Variants in SPRED1 observed in about 807,000 individuals in gnomAD.
The protein encoded by SPRED1 is sprouty related EVH1 domain containing 1, also known as sprouty-related, EVH1 domain-containing protein 1.
Under a neutral mutation model 52.3 loss-of-function variants are expected in SPRED1, and 18 were observed. That is an observed-to-expected ratio of 0.34 (90% confidence interval 0.24 to 0.51). The LOEUF is 0.51. Ranked by LOEUF, SPRED1 falls within the 20% of genes least tolerant of loss-of-function variation. The pLI is 0.97. For missense variants in SPRED1, 485 were observed against 551.0 expected, an observed-to-expected ratio of 0.88 and a Z score of 1.20; for synonymous variants, 155 against 179.7, an observed-to-expected ratio of 0.86 and a Z score of 1.10.
At chr15:38,311,603 A>T (rs1895368677) in intron 2 of SPRED1, among the ~76,000 whole-genome samples, 1 of 152,206 alleles carries the variant, frequency 6.6e-6, no homozygotes, top group African/African-American at 2.4e-5. Context: ...TTTAATTGTT[A>T]TACGACTATT....
At chr15:38,269,395 G>A (rs1307414140) in intron 1 of SPRED1, among the ~76,000 whole-genome samples, 1 of 151,982 alleles carries the variant, frequency 6.6e-6, no homozygotes, top group Non-Finnish European at 1.5e-5. Flanking sequence ...GGTGCCTGCC[G>A]CCATGCCCAG....
At chr15:38,345,958 C>T (rs186252149) in intron 5 of SPRED1, among the ~76,000 whole-genome samples, 22 of 152,268 alleles carry the variant, frequency 1.4e-4, no homozygotes, top group African/African-American at 4.1e-4. Flanking sequence ...TTGTCAACTA[C>T]GCTAGTTTAT....
intron 1 of SPRED1, among the ~76,000 whole-genome samples, chr15:38,280,688 T>G (rs1386229749): frequency 6.6e-6 from 1 of 152,196 alleles, no homozygotes; most frequent in Admixed American, 6.5e-5. Flanking sequence ...ATCAGCAAAC[T>G]GTTTTCTTTG....
chr15:38,327,424 G>A (rs1895727765), intron 4 of SPRED1, among the ~76,000 whole-genome samples: 1 of 152,124 alleles, frequency 6.6e-6, no homozygotes, highest in East Asian at 1.9e-4. Flanking sequence ...CACGGAATGT[G>A]TTGAAAATGA....
At chr15:38,271,531 AT>A (rs1297892132) in intron 1 of SPRED1, among the ~76,000 whole-genome samples, 43 of 152,218 alleles carry the variant, frequency 2.8e-4, no homozygotes, top group Non-Finnish European at 2.1e-4. Flanking sequence ...AGAAACTAAC[AT>A]TTTTGAAGCT....
intron 4 of SPRED1, among the ~76,000 whole-genome samples, chr15:38,329,314 G>A (rs1486319399): frequency 6.6e-6 from 1 of 152,122 alleles, no homozygotes; most frequent in Non-Finnish European, 1.5e-5. Flanking sequence ...TTCTTTAGAA[G>A]TAAGTAATGT....
At chr15:38,278,649 G>A (rs1024389688) in intron 1 of SPRED1, among the ~76,000 whole-genome samples, 11 of 151,790 alleles carry the variant, frequency 7.2e-5, no homozygotes, top group Admixed American at 6.6e-4. Context: ...TATAGTATTT[G>A]CGTATAATCT....
intron 1 of SPRED1, among the ~76,000 whole-genome samples, chr15:38,258,338 A>G (rs1257793533): frequency 6.6e-6 from 1 of 152,174 alleles, no homozygotes; most frequent in Non-Finnish European, 1.5e-5. Flanking sequence ...CTTAATGTGA[A>G]TATTTTCTTA....
At chr15:38,276,232 G>A (rs1191945901) in intron 1 of SPRED1, among the ~76,000 whole-genome samples, 1 of 135,186 alleles carries the variant, frequency 7.4e-6, no homozygotes, top group Non-Finnish European at 1.6e-5. Flanking sequence ...TTTTTTTACT[G>A]TGGCTCTTTT....
intron 5 of SPRED1, among the ~76,000 whole-genome samples, chr15:38,343,603 AC>A (rs1415388577): frequency 6.6e-6 from 1 of 152,120 alleles, no homozygotes; most frequent in African/African-American, 2.4e-5. Context: ...TAGAGAGAGA[AC>A]AAAAAAACTT....
At chr15:38,262,816 G>A (rs980478519) in intron 1 of SPRED1, among the ~76,000 whole-genome samples, 2 of 152,168 alleles carry the variant, frequency 1.3e-5, no homozygotes, top group Admixed American at 6.5e-5. Context: ...ATGAAACACC[G>A]AAGAGTTGAA....
At chr15:38,344,457 G>A (rs1200299293) in intron 5 of SPRED1, among the ~76,000 whole-genome samples, 5 of 152,152 alleles carry the variant, frequency 3.3e-5, no homozygotes, top group Non-Finnish European at 7.4e-5. Flanking sequence ...GTTATGATGG[G>A]GTGGTTGAAG....
intron 5 of SPRED1, among the ~76,000 whole-genome samples, chr15:38,347,914 T>C (rs1262467815): frequency 6.6e-6 from 1 of 152,070 alleles, no homozygotes; most frequent in African/African-American, 2.4e-5. Flanking sequence ...CTGTTTTTAG[T>C]AAGTGTGAAA....
At chr15:38,260,604 G>A (rs974187996) in intron 1 of SPRED1, among the ~76,000 whole-genome samples, 1 of 152,000 alleles carries the variant, frequency 6.6e-6, no homozygotes, top group Non-Finnish European at 1.5e-5. Context: ...AGTTATTAAA[G>A]CTATTGCTAG....
chr15:38,299,873 T>A (rs1895119518), intron 2 of SPRED1, among the ~76,000 whole-genome samples: 1 of 152,154 alleles, frequency 6.6e-6, no homozygotes, highest in South Asian at 2.1e-4. Flanking sequence ...GGCAAACTAA[T>A]CCACAGGCCA....
At chr15:38,345,585 G>A (rs1896116667) in intron 5 of SPRED1, among the ~76,000 whole-genome samples, 1 of 152,172 alleles carries the variant, frequency 6.6e-6, no homozygotes, top group Non-Finnish European at 1.5e-5. Context: ...ATTATTCACA[G>A]TACAATAGTA....
chr15:38,275,664 AT>A (rs1270842707), intron 1 of SPRED1, among the ~76,000 whole-genome samples: 1 of 152,004 alleles, frequency 6.6e-6, no homozygotes, highest in African/African-American at 2.4e-5. Flanking sequence ...TGCCCAGCTA[AT>A]TTTTGTATTT....
rs2141016567 is a variant in SPRED1, at chr15:38,351,487, T to C, written c.1158T>C (p.Asp386=). ...ATTGTATGTCAGACTCAGAGGGAGA[T>C]TTTTCTGATCCCTGTTCGTGTGACA... ...LYHCMSDSEG[D]FSDPCSCDTS... The change falls in exon 7 of 7, where the codon GAT becomes GAC. Residue 386 remains aspartate (D), a synonymous_variant. Transcript: ENST00000299084. 1 of 1,613,906 alleles carries C rather than the reference T, an allele frequency of 6.2e-7. No homozygotes were observed.
At chr15:38,269,604 T>A (rs1216379379) in intron 1 of SPRED1, among the ~76,000 whole-genome samples, 1 of 152,148 alleles carries the variant, frequency 6.6e-6, no homozygotes, top group Non-Finnish European at 1.5e-5. Context: ...GTTTGTTACT[T>A]TACTGAAAGA....
Sources: allele counts gnomAD v4.1 joint callset (sites outside exome capture counted in the v4.1 genomes callset), GRCh38; gene constraint gnomAD v4.1.1; transcripts MANE v1.5; gene names NCBI Gene and HGNC (gene_info 2026-07-23, HGNC 2026-07-21).